The following REG4 variants were observed in gnomAD, a reference collection of about 807,000 sequenced individuals.
The protein encoded by REG4 is regenerating islet-derived protein 4.
Under a neutral mutation model 22.3 loss-of-function variants are expected in REG4, and 16 were observed. The ratio of observed to expected loss-of-function variants is 0.72; its 90% CI spans 0.49 to 1.09. The LOEUF (loss-of-function observed/expected upper bound fraction) is 1.09, where lower values mean the gene tolerates loss of function less well. Ranked by LOEUF, REG4 falls within the 50% of genes least tolerant of loss-of-function variation. The pLI, the probability that REG4 is intolerant of heterozygous loss-of-function variation, is 0.00. For missense variants in REG4, 214 were observed against 193.9 expected (o/e 1.10, Z -0.61); for synonymous variants, 71 against 69.2 (o/e 1.03, Z -0.13).
chr1:119,799,821 A>G lies in REG4; in HGVS notation c.207T>C (p.Ser69=), dbSNP rs369912783. 132 of 1,614,066 alleles carry G rather than the reference A, an allele frequency of 8.2e-5. No homozygotes were observed. Among genetic ancestry groups the G allele is most frequent in the Non-Finnish European group, 9.9e-5 (117 of 1,180,058 alleles). Residue 69 remains serine (S), a synonymous_variant, in exon 4 of 6, where the codon TCT becomes TCC. Coordinates refer to ENST00000256585, the MANE Select transcript of REG4 (RefSeq NM_032044.4). ...QSYGNGAHLA[S]ILSLKEASTI... ...TGCTGGCTTCCTTTAAACTCAGGAT[A>G]GATGCCAGGTGGGCTCCGTTTCCGT...
At chr1:119,796,322 T>C (rs1206824260) in intron 5 of REG4, among the ~76,000 whole-genome samples, 1 of 152,154 alleles carries the variant, frequency 6.6e-6, no homozygotes, top group Admixed American at 6.5e-5. Flanking sequence ...AAGTTATCAT[T>C]ATTAAATGTC....
At chr1:119,795,833 A>G (rs1653922993) in intron 5 of REG4, among the ~76,000 whole-genome samples, 1 of 152,256 alleles carries the variant, frequency 6.6e-6, no homozygotes, top group Non-Finnish European at 1.5e-5. Flanking sequence ...GTGTGGGGCA[A>G]AGAGAATACG....
chr1:119,797,157 C>A (rs749485500), intron 5 of REG4, among the ~76,000 whole-genome samples: 4 of 150,944 alleles, frequency 2.6e-5, no homozygotes, highest in African/African-American at 4.9e-5. Context: ...CTCACTACTT[C>A]CTGGGGTAGC....
Position 119,794,414 on chromosome 1 carries a change from C to T in REG4, c.*204G>A, listed in dbSNP as rs942334331. On this transcript the variant is annotated 3_prime_UTR_variant, in exon 6 of 6. Coordinates refer to ENST00000256585, the MANE Select transcript of REG4 (RefSeq NM_032044.4). ...AGAAGGATACTGTGGAAAGGGATGG[C>T]GGGGCAAACATTTAGAGCTAGAAGC... The T allele has an allele frequency of 1.0e-4, 65 of 635,538 alleles. No homozygotes were observed. The highest frequency in any genetic ancestry group is 7.5e-4 in the Middle Eastern group (2 of 2,654). The allele number at this position is 635,538 out of a possible 1,614,324, so 39.4% of individuals were successfully genotyped here.
intron 5 of REG4, among the ~76,000 whole-genome samples, chr1:119,797,756 G>A (rs2101066579): frequency 6.6e-6 from 1 of 152,318 alleles, no homozygotes; most frequent in South Asian, 2.1e-4. Context: ...ACTTGGCTAT[G>A]CCTGGAGATA....
chr1:119,794,623 G>T lies in REG4; in HGVS notation c.472C>A (p.Pro158Thr), dbSNP rs1158893039. The change falls in exon 6 of 6, where the codon CCA becomes ACA. Residue 158 changes from proline to threonine, a missense_variant. Transcript: ENST00000256585. ...KRQHFLCKYRP is the reference protein window; with the variant it reads ...KRQHFLCKYRT The stretch of plus-strand genomic sequence containing the variant: ...GCAGAATCTTGATTCTTGCTCTATG[G>T]TCGGTACTTGCACAGGAAGTGTTGG... 1.9e-6 allele frequency: 3 copies of T among 1,613,942 alleles called. No individual in the cohort carries two copies. The highest frequency in any genetic ancestry group is 2.5e-6 in the Non-Finnish European group (3 of 1,179,784).
chr1:119,808,948 T>A, intron 1 of REG4, 85 bp from the exon 2 acceptor site: 1 of 531,214 alleles, frequency 1.9e-6, no homozygotes, highest in South Asian at 2.6e-5. Flanking sequence ...AATATTTTCC[T>A]GGCTAAATCC....
intron 3 of REG4, among the ~76,000 whole-genome samples, chr1:119,800,072 G>A (rs1340217375): frequency 1.3e-5 from 2 of 152,144 alleles, no homozygotes; most frequent in African/African-American, 2.4e-5. Context: ...GCAGTACAAG[G>A]CCAGGGCAAG....
At chr1:119,807,251 C>T (rs1654349304) in intron 2 of REG4, among the ~76,000 whole-genome samples, 1 of 152,188 alleles carries the variant, frequency 6.6e-6, no homozygotes. Flanking sequence ...CCCTCTATTT[C>T]TCTTAAGTAC....
At chr1:119,799,982 G>A (rs772920823) in intron 3 of REG4, 120 bp from the exon 4 acceptor site, 20 of 1,295,800 alleles carry the variant, frequency 1.5e-5, no homozygotes, top group East Asian at 7.0e-5. Flanking sequence ...TCCACACATC[G>A]TGCTCTAAGC....
rs12564341 is a variant in REG4 at position 119,809,510 on chromosome 1, C to A, written c.-94-647G>T. Among the ~76,000 whole-genome samples, 104 of 152,314 alleles carry A rather than the reference C, an allele frequency of 6.8e-4. 1 individual carries two copies. The East Asian group carries it at 0.019, about 28-fold the overall frequency. Reference sequence around the variant, plus strand: ...CTAGAAAATAAGAAGTAAATCCCATCTCCAGGAGATAATTTGGTGAGTAGC... The same window carrying A: ...CTAGAAAATAAGAAGTAAATCCCATATCCAGGAGATAATTTGGTGAGTAGC... On this transcript the variant is annotated intron_variant, in intron 1 of 5. Transcript: ENST00000256585.
chr1:119,804,433 G>T (rs905591275), intron 2 of REG4, among the ~76,000 whole-genome samples: 1 of 152,146 alleles, frequency 6.6e-6, no homozygotes, highest in South Asian at 2.1e-4. Context: ...CTTGGAACAC[G>T]AATGCTCAGT....
chr1:119,794,343 C>A lies in REG4; in HGVS notation c.*275G>T. On this transcript the variant is annotated 3_prime_UTR_variant, in exon 6 of 6. Coordinates refer to ENST00000256585, the MANE Select transcript of REG4 (RefSeq NM_032044.4). ...CCAGCTGTTTCATAGGCTGGAGATGCACTCTTCTAGACTGCTCGAGACAGC... is the reference window on the plus strand; with the variant it reads ...CCAGCTGTTTCATAGGCTGGAGATGAACTCTTCTAGACTGCTCGAGACAGC... 1 of 619,518 alleles carries A rather than the reference C, an allele frequency of 1.6e-6. No homozygotes were observed. Among genetic ancestry groups the A allele is most frequent in the Non-Finnish European group, 3.1e-6 (1 of 327,274 alleles). 38.4% of individuals were successfully genotyped at this position (619,518 alleles called of 1,614,324 possible).
At chr1:119,808,584 G>T in intron 2 of REG4, 119 bp downstream of exon 2, 1 of 693,776 alleles carries the variant, frequency 1.4e-6, no homozygotes, top group Non-Finnish European at 2.5e-6. Context: ...TCATCTCCAT[G>T]TTTAAAAACC....
Position 119,808,789 on chromosome 1 carries a change from T to G in REG4, c.-20A>C. ...AGCCATCTTCCTCCTACCCTGAGGATGTAGCTAGTGCAAGGATCTCAGAGA... is the reference window on the plus strand; with the variant it reads ...AGCCATCTTCCTCCTACCCTGAGGAGGTAGCTAGTGCAAGGATCTCAGAGA... On this transcript the variant is annotated 5_prime_UTR_variant, in exon 2 of 6. Coordinates refer to ENST00000256585, the MANE Select transcript of REG4 (RefSeq NM_032044.4). 6.3e-7 allele frequency: 1 copy of G among 1,589,390 alleles called. No individual in the cohort carries two copies. The highest frequency in any genetic ancestry group is 1.1e-5 in the South Asian group (1 of 90,226).
intron 2 of REG4, among the ~76,000 whole-genome samples, chr1:119,805,771 C>T (rs587691900): frequency 6.6e-6 from 1 of 152,238 alleles, no homozygotes; most frequent in Non-Finnish European, 1.5e-5. Context: ...TTGCCTATGA[C>T]TGTCTGTTCC....
intron 2 of REG4, among the ~76,000 whole-genome samples, chr1:119,804,085 A>G (rs1654214265): frequency 6.6e-6 from 1 of 152,204 alleles, no homozygotes; most frequent in Admixed American, 6.5e-5. Context: ...GTACAGAGGC[A>G]TCAGGTGATC....
At position 119,794,561 on chromosome 1, in the gene REG4, T is replaced by C. The variant is rs1213808300; in HGVS notation, c.*57A>G. On this transcript the variant is annotated 3_prime_UTR_variant, in exon 6 of 6. Coordinates refer to ENST00000256585, the MANE Select transcript of REG4 (RefSeq NM_032044.4). The stretch of plus-strand genomic sequence containing the variant: ...AAATAATGAGCAGATTTAGCCAGGC[T>C]AGCAGAAAGGAAGAGGACGGGGCTG... The C allele has an allele frequency of 3.4e-6, 5 of 1,471,714 alleles. No homozygotes were observed. Among genetic ancestry groups the C allele is most frequent in the Non-Finnish European group, 4.8e-6 (5 of 1,050,452 alleles). The allele number at this position is 1,471,714 out of a possible 1,614,324, so 91.2% of individuals were successfully genotyped here.
intron 3 of REG4, chr1:119,802,581 T>A: frequency 3.4e-6 from 4 of 1,192,856 alleles, no homozygotes; most frequent in Non-Finnish European, 4.1e-6. Context: ...CGAAATAAAA[T>A]GGACAGGTTT....
Sources: gnomAD v4.1 joint callset for allele counts (sites outside exome capture counted in the v4.1 genomes callset) on GRCh38, gnomAD v4.1.1 for gene constraint, MANE v1.5 for transcripts, NCBI Gene and HGNC (gene_info 2026-07-23, HGNC 2026-07-21) for gene names.